Variants in USP2 observed in about 807,000 individuals in gnomAD.
USP2 encodes the protein ubiquitin carboxyl-terminal hydrolase 2.
A neutral mutation model predicts 72.0 loss-of-function variants in USP2; 33 were observed. The ratio of observed to expected loss-of-function variants is 0.46; its 90% CI spans 0.35 to 0.61. The LOEUF (loss-of-function observed/expected upper bound fraction) is 0.61, where lower values mean the gene tolerates loss of function less well. Among genes scored for constraint, USP2 ranks in the 20% least tolerant of loss-of-function variants. The pLI is 0.01. For missense variants in USP2, 691 were observed against 797.8 expected, an observed-to-expected ratio of 0.87 and a Z score of 1.61; for synonymous variants, 296 against 312.5, an observed-to-expected ratio of 0.95 and a Z score of 0.56.
At chr11:119,377,394 G>T (rs1186697301) in intron 1 of USP2, among the ~76,000 whole-genome samples, 4 of 152,230 alleles carry the variant, frequency 2.6e-5, no homozygotes, top group African/African-American at 9.6e-5. Flanking sequence ...ACCACCACAG[G>T]ATCCAGGTGT....
At chr11:119,372,120 A>G (rs933217730) in intron 2 of USP2, among the ~76,000 whole-genome samples, 5 of 152,188 alleles carry the variant, frequency 3.3e-5, no homozygotes, top group Admixed American at 6.5e-5. Flanking sequence ...CAAGCCCTAG[A>G]TAAAAATTTC....
Position 119,360,886 on chromosome 11 carries a change from C to G in USP2, c.775-652G>C, listed in dbSNP as rs187681037. On this transcript the variant is annotated intron_variant, in intron 2 of 12. Coordinates refer to ENST00000260187, the MANE Select transcript of USP2 (RefSeq NM_004205.5). The stretch of plus-strand genomic sequence containing the variant: ...ATATTTGGTACATATTGACTCCTTA[C>G]TATAAGAAATTTTGAGTCCCAAATC... Among the ~76,000 whole-genome samples the G allele has an allele frequency of 6.6e-4, 100 of 152,280 alleles. 1 individual carries two copies. Among genetic ancestry groups the G allele is most frequent in the African/African-American group, 2.3e-3 (96 of 41,562 alleles).
In USP2 at chr11:119,370,583, G is replaced by A. The variant is rs769753256; in HGVS notation, c.774+2124C>T. Among the ~76,000 whole-genome samples the A allele has an allele frequency of 5.7e-5, 8 of 141,496 alleles. No individual in the cohort carries two copies. In the East Asian group the frequency reaches 8.5e-4, roughly 15 times the overall value. The allele number at this position is 141,496 out of a possible 152,430, so 92.8% of individuals were successfully genotyped here. On this transcript the variant is annotated intron_variant, in intron 2 of 12. Coordinates refer to ENST00000260187, the MANE Select transcript of USP2 (RefSeq NM_004205.5). ...AGGGTTGTTCTCACCTCAGCAAGAC[G>A]CACTCTGCTCCAGGAAATGACGATA...
intron 2 of USP2, among the ~76,000 whole-genome samples, chr11:119,369,377 G>A (rs983301629): frequency 6.6e-6 from 1 of 152,134 alleles, no homozygotes; most frequent in Non-Finnish European, 1.5e-5. Context: ...GTTAATGAGG[G>A]AAAGAAGTCT....
At chr11:119,360,407 C>T (rs1458254552) in intron 2 of USP2, 173 bp from the exon 3 acceptor site, 1 of 722,880 alleles carries the variant, frequency 1.4e-6, no homozygotes, top group Non-Finnish European at 2.4e-6. Flanking sequence ...TGAGGAATGC[C>T]TGTGATTTTC....
At chr11:119,361,470 G>C (rs1451021735) in intron 2 of USP2, among the ~76,000 whole-genome samples, 1 of 152,084 alleles carries the variant, frequency 6.6e-6, no homozygotes, top group Non-Finnish European at 1.5e-5. Flanking sequence ...GGCAACTCTG[G>C]AGCAACACTG....
At chr11:119,361,819 A>G (rs992337475) in intron 2 of USP2, among the ~76,000 whole-genome samples, 3 of 152,184 alleles carry the variant, frequency 2.0e-5, no homozygotes, top group Non-Finnish European at 2.9e-5. Context: ...GTGGGATATA[A>G]GCATCCTTAG....
chr11:119,359,448 A>G, intron 4 of USP2, 89 bp downstream of exon 4: 1 of 1,595,292 alleles, frequency 6.3e-7, no homozygotes, highest in Non-Finnish European at 8.5e-7. Context: ...ACAGGATAGG[A>G]GTGTCTAAGA....
chr11:119,362,623 TAC>T (rs1950781200), intron 2 of USP2, among the ~76,000 whole-genome samples: 1 of 152,064 alleles, frequency 6.6e-6, no homozygotes, highest in African/African-American at 2.4e-5. Flanking sequence ...CACTTTTCAT[TAC>T]AGAGGGGAAC....
Position 119,357,226 on chromosome 11 carries a change from C to G in USP2, c.1691G>C (p.Ser564Thr). Residue 564 changes from serine (S) to threonine (T), a missense_variant, in exon 12 of 13, where the codon AGT becomes ACT. Ser to Thr is a moderately conservative substitution (Grantham distance 58, BLOSUM62 1). Coordinates refer to ENST00000260187, the MANE Select transcript of USP2 (RefSeq NM_004205.5). Reference protein sequence around the residue: ...MGGHYTAYCRSPGTGEWHTFN... With the variant: ...MGGHYTAYCRTPGTGEWHTFN... The stretch of plus-strand genomic sequence containing the variant: ...AGTGTGCCATTCTCCTGTCCCTGGA[C>G]TGCGACAGTAGGCTGTATAGTGGCC... The G allele has an allele frequency of 6.2e-7, 1 of 1,613,866 alleles. No individual in the cohort carries two copies. Among genetic ancestry groups the G allele is most frequent in the Non-Finnish European group, 8.5e-7 (1 of 1,180,006 alleles).
chr11:119,376,109 TG>T, intron 1 of USP2: 3 of 908,382 alleles, frequency 3.3e-6, no homozygotes, highest in South Asian at 5.1e-5. Flanking sequence ...GGGTTCCTAC[TG>T]GGGCCGGGGC....
At position 119,373,092 on chromosome 11, in the gene USP2, T is replaced by C. The variant is rs1363264155; in HGVS notation, c.389A>G (p.Tyr130Cys). ...CTGGGTTAGGGTCACCCCCTGGTCA[T>C]AGGCATTGATGGGCAGGTAGCTGAG... ...NCLSYLPINAYDQGVTLTQKL... is the reference protein window; with the variant it reads ...NCLSYLPINACDQGVTLTQKL... The change falls in exon 2 of 13, where the codon TAT (tyrosine) becomes TGT (cysteine). Residue 130 changes from tyrosine (Y) to cysteine (C), a missense_variant. Physicochemically the swap from Tyr to Cys is radical, Grantham distance 194. Coordinates refer to ENST00000260187, the MANE Select transcript of USP2 (RefSeq NM_004205.5). 6 of 1,613,970 alleles carry C rather than the reference T, an allele frequency of 3.7e-6. No individual in the cohort carries two copies. Among genetic ancestry groups the C allele is most frequent in the Non-Finnish European group, 5.1e-6 (6 of 1,180,024 alleles).
In USP2 at chr11:119,373,242, A is replaced by C; in HGVS notation, c.239T>G (p.Leu80Arg). The stretch of plus-strand genomic sequence containing the variant: ...ACCCCCAGTGATGTCGGGTCTCAGC[A>C]GGGGGCGGCCCCGGTCATAGTCCAG... ...SLLDYDRGRP[L>R]LRPDITGGGK... Residue 80 changes from leucine (L) to arginine (R), a missense_variant, in exon 2 of 13, where the codon CTG (leucine) becomes CGG (arginine). Physicochemically the swap from Leu to Arg is moderately radical, Grantham distance 102. Coordinates refer to ENST00000260187, the MANE Select transcript of USP2 (RefSeq NM_004205.5). 6.2e-7 allele frequency: 1 copy of C among 1,613,926 alleles called. No individual in the cohort carries two copies. Among genetic ancestry groups the C allele is most frequent in the Non-Finnish European group, 8.5e-7 (1 of 1,179,872 alleles).
intron 2 of USP2, among the ~76,000 whole-genome samples, chr11:119,361,664 G>C (rs1398540729): frequency 6.6e-6 from 1 of 152,058 alleles, no homozygotes; most frequent in African/African-American, 2.4e-5. Context: ...CTTTTCTCAA[G>C]AACTGCCTTA....
At chr11:119,370,556 G>T (rs374677499) in intron 2 of USP2, among the ~76,000 whole-genome samples, 1 of 152,094 alleles carries the variant, frequency 6.6e-6, no homozygotes, top group Non-Finnish European at 1.5e-5. Flanking sequence ...GGCCGCACGA[G>T]CAGGGTTGTT....
Position 119,358,250 on chromosome 11 carries a change from G to A in USP2, c.1240C>T (p.Leu414Phe). 1 of 1,612,968 alleles carries A rather than the reference G, an allele frequency of 6.2e-7. No homozygotes were observed. Among genetic ancestry groups the A allele is most frequent in the Non-Finnish European group, 8.5e-7 (1 of 1,179,970 alleles). The part of the protein sequence containing the change: ...LEREDSRIGD[L>F]FVGQLKSSLT... ...GAGCTCTTTAGCTGCCCAACAAAGA[G>A]ATCTGGGGAAGAGAAGGCCATGAGA... Residue 414 changes from leucine to phenylalanine, a missense_variant and splice_region_variant, in exon 8 of 13, where the codon CTC becomes TTC. Coordinates refer to ENST00000260187, the MANE Select transcript of USP2 (RefSeq NM_004205.5).
In USP2 at chr11:119,356,621, C is replaced by G. The variant is rs1950656220; in HGVS notation, c.*214G>C. 7.2e-6 allele frequency: 4 copies of G among 559,158 alleles called. No individual in the cohort carries two copies. Among genetic ancestry groups the G allele is most frequent in the Non-Finnish European group, 1.2e-5 (4 of 321,386 alleles). 34.6% of individuals were successfully genotyped at this position (559,158 alleles called of 1,614,324 possible). A position where few individuals can be genotyped will look rare whatever the true frequency, so the allele number is the denominator to read the frequency against. On this transcript the variant is annotated 3_prime_UTR_variant, in exon 13 of 13. Transcript: ENST00000260187. ...GCACGGGGCGATGCTGGCTCCACGT[C>G]CAGGCGATCTTCCCTGCCGGGCCAC...
rs758727570 is a variant in USP2 at position 119,373,322 on chromosome 11, C to T, written c.159G>A (p.Pro53=). 63 of 1,613,318 alleles carry T rather than the reference C, an allele frequency of 3.9e-5. No individual in the cohort carries two copies. The Middle Eastern group carries it at 4.9e-4, about 13-fold the overall frequency. The stretch of plus-strand genomic sequence containing the variant: ...GGGTGAGGAAGCTGCTGGTGGGGAC[C>T]GGCTTGAAACCAAGTTTCTCCTTCT... ...LLEKEKLGFK[P]VPTSSFLTRP... is the part of the protein sequence containing the mutation. Residue 53 remains proline, a synonymous_variant, in exon 2 of 13, where the codon CCG becomes CCA. Transcript: ENST00000260187.
At chr11:119,363,505 C>G (rs1156442867) in intron 2 of USP2, among the ~76,000 whole-genome samples, 1 of 152,112 alleles carries the variant, frequency 6.6e-6, no homozygotes, top group Non-Finnish European at 1.5e-5. Context: ...GTCCAGCGTG[C>G]TGCCCTCGCA....
Sources: gnomAD v4.1 joint callset for allele counts (sites outside exome capture counted in the v4.1 genomes callset) on GRCh38, gnomAD v4.1.1 for gene constraint, MANE v1.5 for transcripts, NCBI Gene and HGNC (gene_info 2026-07-23, HGNC 2026-07-21) for gene names.